The following NEGR1 variants were observed in gnomAD, a reference collection of about 807,000 sequenced individuals.
NEGR1 encodes neuronal growth regulator 1.
Under a neutral mutation model 40.9 loss-of-function variants are expected in NEGR1, and 10 were observed. The ratio of observed to expected loss-of-function variants is 0.24; its 90% CI spans 0.15 to 0.42. The LOEUF (loss-of-function observed/expected upper bound fraction) is 0.42, where lower values mean the gene tolerates loss of function less well. Ranked by LOEUF, NEGR1 falls within the 10% of genes least tolerant of loss-of-function variation. NEGR1 has a pLI of 1.00. For missense variants in NEGR1, 352 were observed against 438.9 expected (o/e 0.80, Z 1.77); for synonymous variants, 185 against 166.8 (o/e 1.11, Z -0.84).
At chr1:71,988,654 CTG>C (rs1275805211) in intron 1 of NEGR1, among the ~76,000 whole-genome samples, 1 of 144,350 alleles carries the variant, frequency 6.9e-6, no homozygotes, top group African/African-American at 2.6e-5. Flanking sequence ...GGGAAAAAAA[CTG>C]AAGATGCTAA....
chr1:72,143,896 T>G (rs796862222), intron 1 of NEGR1, among the ~76,000 whole-genome samples: 13 of 66,522 alleles, frequency 2.0e-4, no homozygotes, highest in African/African-American at 4.6e-4. Context: ...ATATATATAT[T>G]ATATATATGA....
At chr1:71,623,850 G>C (rs1172799703) in intron 4 of NEGR1, among the ~76,000 whole-genome samples, 2 of 151,858 alleles carry the variant, frequency 1.3e-5, no homozygotes, top group African/African-American at 2.4e-5. Flanking sequence ...AACATGGTAT[G>C]AGAAGAAAAC....
At chr1:72,269,394 T>C (rs577544004) in intron 1 of NEGR1, among the ~76,000 whole-genome samples, 1 of 151,634 alleles carries the variant, frequency 6.6e-6, no homozygotes, top group Non-Finnish European at 1.5e-5. Flanking sequence ...AACTAGGGAC[T>C]TGGAATACTA....
At chr1:72,231,244 C>T (rs1194273) in intron 1 of NEGR1, among the ~76,000 whole-genome samples, 76,128 of 151,970 alleles carry the variant, frequency 0.5, 20,213 homozygotes, top group African/African-American at 0.67. Context: ...ACACTTGCCT[C>T]TCCATTTGTC....
intron 3 of NEGR1, among the ~76,000 whole-genome samples, chr1:71,729,135 A>G (rs1304278796): frequency 2.6e-5 from 4 of 152,002 alleles, no homozygotes; most frequent in Admixed American, 6.6e-5. Flanking sequence ...CTCGCCAAAC[A>G]TAAGACTCTC....
chr1:71,579,888 AT>A (rs1464489873), intron 6 of NEGR1, among the ~76,000 whole-genome samples: 3 of 152,216 alleles, frequency 2.0e-5, no homozygotes, highest in African/African-American at 7.2e-5. Flanking sequence ...GAAAAAATGA[AT>A]GATATTGCTT....
At chr1:72,054,895 G>T (rs1647096589) in intron 1 of NEGR1, among the ~76,000 whole-genome samples, 1 of 151,076 alleles carries the variant, frequency 6.6e-6, no homozygotes, top group Admixed American at 6.6e-5. Flanking sequence ...AATTTTAGAA[G>T]AAGGCAGAAA....
chr1:71,636,581 C>T (rs890375796), intron 4 of NEGR1, among the ~76,000 whole-genome samples: 2 of 152,010 alleles, frequency 1.3e-5, no homozygotes, highest in Non-Finnish European at 2.9e-5. Flanking sequence ...GGAAAGGTTC[C>T]ATAAGATTCT....
chr1:71,729,458 G>A (rs891094919), intron 3 of NEGR1, among the ~76,000 whole-genome samples: 2 of 152,008 alleles, frequency 1.3e-5, no homozygotes, highest in South Asian at 4.1e-4. Context: ...TGGAGTGAAA[G>A]CTCTAGAAGA....
intron 6 of NEGR1, among the ~76,000 whole-genome samples, chr1:71,559,276 T>C (rs1047099470): frequency 6.6e-6 from 1 of 151,398 alleles, no homozygotes; most frequent in Non-Finnish European, 1.5e-5. Context: ...ACACATAATC[T>C]AATGAGAAAT....
At chr1:71,610,543 C>A (rs1408144746) in intron 5 of NEGR1, among the ~76,000 whole-genome samples, 2 of 152,154 alleles carry the variant, frequency 1.3e-5, no homozygotes, top group Non-Finnish European at 2.9e-5. Flanking sequence ...TCTACAGCCT[C>A]TTTAGTGACA....
rs544699109 is a variant in NEGR1 at position 71,785,596 on chromosome 1, C to T, written c.410-9299G>A. Among the ~76,000 whole-genome samples the T allele has an allele frequency of 5.3e-5, 8 of 152,098 alleles. No individual in the cohort carries two copies. The South Asian group carries it at 1.7e-3, about 31-fold the overall frequency. On this transcript the variant is annotated intron_variant, in intron 2 of 6. Transcript: ENST00000357731. ...GTTACTATTCCCATAAACCTGGTGGCCAGCTCCATTTGGAAATGTGCCAAC... is the reference window on the plus strand; with the variant it reads ...GTTACTATTCCCATAAACCTGGTGGTCAGCTCCATTTGGAAATGTGCCAAC...
chr1:72,020,017 G>A (rs1372215217), intron 1 of NEGR1, among the ~76,000 whole-genome samples: 3 of 152,112 alleles, frequency 2.0e-5, no homozygotes, highest in South Asian at 4.1e-4. Context: ...GAGGGCCTAC[G>A]TAAATTAAAA....
intron 2 of NEGR1, among the ~76,000 whole-genome samples, chr1:71,864,778 CAATT>C (rs1369044074): frequency 6.6e-6 from 1 of 152,036 alleles, no homozygotes; most frequent in Non-Finnish European, 1.5e-5. Context: ...CAGAAGAACT[CAATT>C]AAAGCAGAAA....
At chr1:72,207,533 A>T (rs1653455969) in intron 1 of NEGR1, among the ~76,000 whole-genome samples, 1 of 151,862 alleles carries the variant, frequency 6.6e-6, no homozygotes, top group African/African-American at 2.4e-5. Flanking sequence ...TTTTCCTGAA[A>T]GCAAATCATT....
intron 1 of NEGR1, among the ~76,000 whole-genome samples, chr1:72,192,785 C>T (rs1259610618): frequency 1.3e-5 from 2 of 151,822 alleles, no homozygotes; most frequent in Non-Finnish European, 2.9e-5. Context: ...TAGAGTTTAT[C>T]ATATCCAGAT....
intron 1 of NEGR1, among the ~76,000 whole-genome samples, chr1:72,257,182 C>T (rs1314186772): frequency 1.3e-5 from 2 of 151,482 alleles, no homozygotes; most frequent in Non-Finnish European, 2.9e-5. Flanking sequence ...ATTAGCCGGG[C>T]GTAGTGGCGG....
At chr1:71,902,155 T>C (rs908651164) in intron 2 of NEGR1, among the ~76,000 whole-genome samples, 2 of 152,062 alleles carry the variant, frequency 1.3e-5, no homozygotes, top group Non-Finnish European at 2.9e-5. Context: ...TTGAAAGAGG[T>C]AGGTGAAGTG....
chr1:71,923,376 C>G (rs1458705850), intron 2 of NEGR1, among the ~76,000 whole-genome samples: 2 of 151,976 alleles, frequency 1.3e-5, no homozygotes, highest in Non-Finnish European at 2.9e-5. Flanking sequence ...CACACTCTCT[C>G]TCTCTCTCTC....
Sources: allele counts gnomAD v4.1 joint callset (sites outside exome capture counted in the v4.1 genomes callset), GRCh38; gene constraint gnomAD v4.1.1; transcripts MANE v1.5; gene names NCBI Gene and HGNC (gene_info 2026-07-23, HGNC 2026-07-21).